The following METTL15 variants were observed in gnomAD, a reference collection of about 807,000 sequenced individuals.
The protein encoded by METTL15 is 12S rRNA N(4)-cytidine methyltransferase METTL15.
A neutral mutation model predicts 38.3 loss-of-function variants in METTL15; 34 were observed. The ratio of observed to expected loss-of-function variants is 0.89; its 90% confidence interval spans 0.68 to 1.18. The LOEUF (loss-of-function observed/expected upper bound fraction) is 1.18, where lower values mean the gene tolerates loss of function less well. Among genes scored for constraint, METTL15 ranks in the 50% most tolerant of loss-of-function variants. METTL15 has a pLI of 0.00. For missense variants in METTL15, 438 were observed against 498.4 expected, an observed-to-expected ratio of 0.88 and a Z score of 1.15; for synonymous variants, 162 against 170.9, an observed-to-expected ratio of 0.95 and a Z score of 0.41.
intron 6 of METTL15, among the ~76,000 whole-genome samples, chr11:28,461,548 T>C (rs1851214947): frequency 6.6e-6 from 1 of 152,010 alleles, no homozygotes; most frequent in South Asian, 2.1e-4. Flanking sequence ...TCATTGCATA[T>C]TTCTGAAAAG....
downstream of METTL15, among the ~76,000 whole-genome samples, chr11:28,335,809 C>A (rs529987201): frequency 6.6e-6 from 1 of 152,294 alleles, no homozygotes; most frequent in African/African-American, 2.4e-5. Flanking sequence ...GAAGCCCTTA[C>A]CAGCAGCTGA....
intron 3 of METTL15, among the ~76,000 whole-genome samples, chr11:28,132,568 T>G (rs1462711063): frequency 6.6e-6 from 1 of 152,154 alleles, no homozygotes. Flanking sequence ...TTTCAGCTGC[T>G]TTTAAGTTTG....
At chr11:28,231,930 A>C (rs1345395035) in intron 4 of METTL15, among the ~76,000 whole-genome samples, 1 of 151,884 alleles carries the variant, frequency 6.6e-6, no homozygotes, top group African/African-American at 2.4e-5. Context: ...AAACCCTGGC[A>C]TATAGTACAT....
At chr11:28,278,084 C>T (rs2133968477) in intron 4 of METTL15, among the ~76,000 whole-genome samples, 1 of 152,304 alleles carries the variant, frequency 6.6e-6, no homozygotes, top group South Asian at 2.1e-4. Context: ...CAAAATTTCA[C>T]ATCTGCCCCA....
intron 4 of METTL15, among the ~76,000 whole-genome samples, chr11:28,272,642 A>G (rs1004872879): frequency 6.6e-6 from 1 of 152,168 alleles, no homozygotes; most frequent in Non-Finnish European, 1.5e-5. Flanking sequence ...GGGTGCAGCA[A>G]ACCACCATGG....
rs141711013 is a variant in METTL15, at chr11:28,193,311, C to T, written c.271-17751C>T. Among the ~76,000 whole-genome samples, 199 of 152,192 alleles carry T rather than the reference C, an allele frequency of 1.3e-3. 3 individuals are homozygous for T. In the East Asian group the frequency reaches 0.023, roughly 17 times the overall value. On this transcript the variant is annotated intron_variant, in intron 3 of 6. Transcript: ENST00000407364. ...ACAGTTCTGGAGGCTATACAGGAAG[C>T]ATGGCTGGGGAGAACTCAGGAAACT...
intron 3 of METTL15, among the ~76,000 whole-genome samples, chr11:28,181,512 GT>G (rs1565147790): frequency 1.3e-5 from 2 of 151,716 alleles, no homozygotes; most frequent in Non-Finnish European, 2.9e-5. Flanking sequence ...GTGGTGTTTG[GT>G]TTTCTGTTCC....
At chr11:28,428,111 A>G (rs574478768) in intron 6 of METTL15, among the ~76,000 whole-genome samples, 6 of 152,292 alleles carry the variant, frequency 3.9e-5, no homozygotes, top group Non-Finnish European at 8.8e-5. Flanking sequence ...ATTTCTATAA[A>G]TGTGTCATTA....
intron 6 of METTL15, among the ~76,000 whole-genome samples, chr11:28,473,229 T>C (rs1404600857): frequency 1.3e-5 from 2 of 152,138 alleles, no homozygotes; most frequent in Non-Finnish European, 2.9e-5. Context: ...AATAGGCTTT[T>C]CTGGAGAGAA....
At chr11:28,404,761 A>G (rs938623681) in intron 5 of METTL15, among the ~76,000 whole-genome samples, 1 of 152,144 alleles carries the variant, frequency 6.6e-6, no homozygotes, top group Non-Finnish European at 1.5e-5. Flanking sequence ...CAGAAAATGT[A>G]GATGAGCAAG....
intron 4 of METTL15, among the ~76,000 whole-genome samples, chr11:28,231,242 A>G (rs542049051): frequency 8.6e-4 from 130 of 151,970 alleles, no homozygotes; most frequent in Middle Eastern, 3.4e-3. Flanking sequence ...TCAGGACCCA[A>G]AAACATTAAA....
chr11:28,150,857 C>A (rs933333466), intron 3 of METTL15, among the ~76,000 whole-genome samples: 3 of 151,406 alleles, frequency 2.0e-5, no homozygotes, highest in Admixed American at 2.0e-4. Flanking sequence ...TGAAACTGTT[C>A]CAGCCTGTGC....
chr11:28,434,976 C>G (rs953465085), intron 6 of METTL15, among the ~76,000 whole-genome samples: 2 of 152,220 alleles, frequency 1.3e-5, no homozygotes, highest in African/African-American at 4.8e-5. Flanking sequence ...TCAAGTTTTT[C>G]TCACTCATCC....
chr11:28,382,643 G>T (rs180706225), intron 5 of METTL15, among the ~76,000 whole-genome samples: 211 of 152,134 alleles, frequency 1.4e-3, no homozygotes, highest in African/African-American at 5.0e-3. Context: ...AGACCAGCCT[G>T]ACCAAGATGG....
At chr11:28,448,774 C>T (rs11030339) in intron 6 of METTL15, among the ~76,000 whole-genome samples, 64,180 of 151,870 alleles carry the variant, frequency 0.42, 14,964 homozygotes, top group Admixed American at 0.54. Flanking sequence ...ACAAAACCAG[C>T]CAGTTCCCCC....
At chr11:28,504,667 G>A (rs570010434) in intron 6 of METTL15, among the ~76,000 whole-genome samples, 42 of 152,346 alleles carry the variant, frequency 2.8e-4, no homozygotes, top group Middle Eastern at 6.8e-3. Flanking sequence ...CAGATTATTA[G>A]GTCATGCCCA....
At chr11:28,138,166 C>T (rs1407268784) in intron 3 of METTL15, among the ~76,000 whole-genome samples, 2 of 151,854 alleles carry the variant, frequency 1.3e-5, no homozygotes, top group African/African-American at 4.8e-5. Context: ...TGTTTCTCGC[C>T]AGGTGTCCTA....
chr11:28,400,294 C>T (rs7931626), intron 5 of METTL15, among the ~76,000 whole-genome samples: 71,353 of 151,608 alleles, frequency 0.47, 17,187 homozygotes, highest in East Asian at 0.74. Context: ...ACTTCAGTGA[C>T]GCAAGCTTCG....
At chr11:28,211,436 A>G (rs1052692911) in intron 4 of METTL15, among the ~76,000 whole-genome samples, 1 of 152,086 alleles carries the variant, frequency 6.6e-6, no homozygotes, top group Non-Finnish European at 1.5e-5. Flanking sequence ...TCTTCCACCT[A>G]CAAGATTGAA....
Sources: gnomAD v4.1 joint callset for allele counts (sites outside exome capture counted in the v4.1 genomes callset) on GRCh38, gnomAD v4.1.1 for gene constraint, MANE v1.5 for transcripts, NCBI Gene and HGNC (gene_info 2026-07-23, HGNC 2026-07-21) for gene names.